Variants in PKNOX2 observed in about 807,000 individuals in gnomAD.
PKNOX2 encodes the protein homeobox protein PKNOX2.
A neutral mutation model predicts 53.1 loss-of-function variants in PKNOX2; 14 were observed. The ratio of observed to expected loss-of-function variants is 0.26; its 90% CI spans 0.17 to 0.41. The LOEUF (loss-of-function observed/expected upper bound fraction) is 0.41. Among genes scored for constraint, PKNOX2 ranks in the 10% least tolerant of loss-of-function variants. The probability of loss-of-function intolerance (pLI) is 1.00; values close to 1 mark genes in which losing one functional copy is unlikely to be tolerated. For missense variants in PKNOX2, 496 were observed against 602.8 expected (o/e 0.82, Z 1.85); for synonymous variants, 257 against 242.8 (o/e 1.06, Z -0.54).
chr11:125,395,089 G>A (rs1954300966), intron 6 of PKNOX2, among the ~76,000 whole-genome samples: 1 of 152,118 alleles, frequency 6.6e-6, no homozygotes, highest in Non-Finnish European at 1.5e-5. Context: ...CTCTACCGCT[G>A]TCAACCACTA....
intron 1 of PKNOX2, among the ~76,000 whole-genome samples, chr11:125,183,720 T>C (rs1450296868): frequency 6.9e-6 from 1 of 145,028 alleles, no homozygotes; most frequent in African/African-American, 2.5e-5. Flanking sequence ...AAAGACATTC[T>C]AAAATTCACA....
chr11:125,170,027 C>T (rs1179351546), intron 1 of PKNOX2, among the ~76,000 whole-genome samples: 1 of 152,210 alleles, frequency 6.6e-6, no homozygotes, highest in Non-Finnish European at 1.5e-5. Context: ...TCTCTTTATT[C>T]CACTGGGAAG....
intron 10 of PKNOX2, among the ~76,000 whole-genome samples, chr11:125,415,437 G>A (rs562573799): frequency 1.6e-3 from 238 of 152,066 alleles, no homozygotes; most frequent in African/African-American, 4.9e-3. Flanking sequence ...TTTTAGTAGA[G>A]GTGGGGTTTT....
chr11:125,264,378 G>A (rs1945136675), intron 2 of PKNOX2, among the ~76,000 whole-genome samples: 1 of 152,162 alleles, frequency 6.6e-6, no homozygotes, highest in African/African-American at 2.4e-5. Flanking sequence ...GGTGGGCCTG[G>A]GGTCCTGGGG....
chr11:125,222,645 GTA>G (rs1450714336), intron 1 of PKNOX2, among the ~76,000 whole-genome samples: 4 of 141,020 alleles, frequency 2.8e-5, no homozygotes, highest in Admixed American at 6.9e-5. Context: ...ATGTGTGTGC[GTA>G]TGTGTGTGCT....
chr11:125,306,923 G>A (rs1948500003), intron 2 of PKNOX2, among the ~76,000 whole-genome samples: 1 of 152,174 alleles, frequency 6.6e-6, no homozygotes, highest in Non-Finnish European at 1.5e-5. Flanking sequence ...AAGGCCACAG[G>A]GTTCCCAGTA....
At chr11:125,251,058 CT>C in intron 2 of PKNOX2, among the ~76,000 whole-genome samples, 1 of 152,382 alleles carries the variant, frequency 6.6e-6, no homozygotes, top group South Asian at 2.1e-4. Flanking sequence ...CCTCCACCCC[CT>C]GGCAGCTTCT....
At chr11:125,209,365 G>A (rs1231711277) in intron 1 of PKNOX2, among the ~76,000 whole-genome samples, 2 of 151,964 alleles carry the variant, frequency 1.3e-5, no homozygotes, top group Non-Finnish European at 2.9e-5. Context: ...AAGGCTGGTA[G>A]CCCAAGTAGG....
chr11:125,222,543 C>T (rs1006613633), intron 1 of PKNOX2, among the ~76,000 whole-genome samples: 3 of 152,094 alleles, frequency 2.0e-5, no homozygotes, highest in African/African-American at 7.2e-5. Flanking sequence ...AACATCTATA[C>T]AATGTGCATC....
At chr11:125,200,225 C>T (rs1938283361) in intron 1 of PKNOX2, among the ~76,000 whole-genome samples, 1 of 152,186 alleles carries the variant, frequency 6.6e-6, no homozygotes, top group East Asian at 1.9e-4. Flanking sequence ...CCATTAGTCC[C>T]ATGAAGAAAT....
At chr11:125,317,631 A>T (rs1008672941) in intron 2 of PKNOX2, among the ~76,000 whole-genome samples, 1 of 152,228 alleles carries the variant, frequency 6.6e-6, no homozygotes, top group African/African-American at 2.4e-5. Context: ...GTAGGTCTCA[A>T]CGTTGGGCTT....
intron 2 of PKNOX2, among the ~76,000 whole-genome samples, chr11:125,268,509 C>T (rs1198915283): frequency 6.6e-6 from 1 of 152,222 alleles, no homozygotes; most frequent in Non-Finnish European, 1.5e-5. Flanking sequence ...AGTTTGCTCA[C>T]CTGCTTAATG....
Position 125,211,703 on chromosome 11 carries a change from G to C in PKNOX2, c.-200-23342G>C. 1.3e-5 allele frequency among the ~76,000 whole-genome samples: 2 copies of C among 152,080 alleles called. 1 individual carries two copies. The highest frequency in any genetic ancestry group is 2.9e-5 in the Non-Finnish European group (2 of 67,976). ...TGCCCAGGGTGGAGCCGGCTGCTCG[G>C]GAGAGAGCTGGTGCCTGCTTTGGGC... On this transcript the variant is annotated intron_variant, in intron 1 of 12. Coordinates refer to ENST00000298282, the MANE Select transcript of PKNOX2 (RefSeq NM_001382323.2).
chr11:125,410,688 C>A, intron 8 of PKNOX2, 91 bp from the exon 9 acceptor site: 1 of 984,214 alleles, frequency 1.0e-6, no homozygotes, highest in Non-Finnish European at 1.6e-6. Context: ...AGGGTCTTTA[C>A]ACATGAGTGC....
intron 2 of PKNOX2, among the ~76,000 whole-genome samples, chr11:125,304,408 T>C (rs927320807): frequency 6.6e-6 from 1 of 152,192 alleles, no homozygotes; most frequent in African/African-American, 2.4e-5. Flanking sequence ...ATGGAACATA[T>C]GGCAGAGGGG....
Position 125,172,898 on chromosome 11 carries a change from G to A in PKNOX2, c.-201+8122G>A, listed in dbSNP as rs1014183550. On this transcript the variant is annotated intron_variant, in intron 1 of 12. Transcript: ENST00000298282. ...TGCCTGGGACAAATGGATGTTCCTA[G>A]CGATAGGGGATGGCTCCATGAGGCA... 2.2e-4 allele frequency among the ~76,000 whole-genome samples: 33 copies of A among 152,292 alleles called. No individual in the cohort carries two copies. In the East Asian group the frequency reaches 2.3e-3, roughly 11 times the overall value.
At chr11:125,394,634 G>A (rs1243099324) in intron 6 of PKNOX2, among the ~76,000 whole-genome samples, 2 of 152,170 alleles carry the variant, frequency 1.3e-5, no homozygotes, top group Non-Finnish European at 2.9e-5. Context: ...AATTCTCTGG[G>A]AGAGATTTCC....
intron 2 of PKNOX2, among the ~76,000 whole-genome samples, chr11:125,275,500 C>T (rs1291270236): frequency 6.6e-6 from 1 of 152,098 alleles, no homozygotes; most frequent in Non-Finnish European, 1.5e-5. Context: ...GCTGAGTGTG[C>T]TTTAGAAAGA....
intron 3 of PKNOX2, among the ~76,000 whole-genome samples, chr11:125,340,502 C>T (rs1950625210): frequency 6.6e-6 from 1 of 152,132 alleles, no homozygotes; most frequent in South Asian, 2.1e-4. Flanking sequence ...TTTGCTCACC[C>T]ACGAATGGGA....
Sources: gnomAD v4.1 joint callset for allele counts (sites outside exome capture counted in the v4.1 genomes callset) on GRCh38, gnomAD v4.1.1 for gene constraint, MANE v1.5 for transcripts, NCBI Gene and HGNC (gene_info 2026-07-23, HGNC 2026-07-21) for gene names.